Variants in EIF2D observed in about 807,000 individuals in gnomAD.
EIF2D encodes the protein hepatocellular carcinoma-associated antigen 56.
Under a neutral mutation model 77.4 loss-of-function variants are expected in EIF2D, and 56 were observed. The ratio of observed to expected loss-of-function variants is 0.72; its 90% CI spans 0.58 to 0.90. The LOEUF is 0.90. Among genes scored for constraint, EIF2D ranks in the 40% least tolerant of loss-of-function variants. The pLI, the probability that EIF2D is intolerant of heterozygous loss-of-function variation, is 0.00. For missense variants in EIF2D, 574 were observed against 706.5 expected, an observed-to-expected ratio of 0.81 and a Z score of 2.13; for synonymous variants, 230 against 271.0, an observed-to-expected ratio of 0.85 and a Z score of 1.49.
At chr1:206,589,012 T>C (rs1051515255), downstream of EIF2D, 1 of 152,520 alleles carries the variant, frequency 6.6e-6, no homozygotes, top group African/African-American at 2.4e-5. Flanking sequence ...GAGATAAGGG[T>C]GTTTATGAAA....
At chr1:206,583,099 A>G (rs1668956681) in intron 2 of EIF2D, 11 of 562,784 alleles carry the variant, frequency 2.0e-5, no homozygotes, top group Non-Finnish European at 3.2e-6. Context: ...ACACTGGCAC[A>G]GCTGCAATTT....
rs1553407013 is a variant in EIF2D, at chr1:206,584,374, C to A, written c.139-3212G>T. On this transcript the variant is annotated intron_variant and NMD_transcript_variant, in intron 2 of 5. Coordinates refer to the EIF2D transcript ENST00000472709. The surrounding 1 kb of genome is among the most constrained non-coding windows in gnomAD (Gnocchi z 4.9). ...GACGGCCCTGACCCCCTGTGACATG[C>A]CCCCGCTGGCAGAGTGAAGACGGCA... 6.3e-7 allele frequency: 1 copy of A among 1,599,892 alleles called. No homozygotes were observed. The highest frequency in any genetic ancestry group is 1.3e-5 in the African/African-American group (1 of 74,786).
intron 7 of EIF2D, 91 bp downstream of exon 7, chr1:206,602,245 G>T: frequency 1.1e-6 from 1 of 933,128 alleles, no homozygotes; most frequent in Non-Finnish European, 1.7e-6. Flanking sequence ...CCCTCAACCA[G>T]TCCCTGCATT....
intron 14 of EIF2D, 109 bp downstream of exon 14, chr1:206,593,510 T>TGC (rs1669481364): frequency 1.7e-5 from 5 of 294,836 alleles, no homozygotes; most frequent in South Asian, 1.0e-4. Context: ...AGAGAGAGAG[T>TGC]GTGTGTGTGT....
intron 5 of EIF2D, among the ~76,000 whole-genome samples, chr1:206,571,831 T>C (rs528076959): frequency 6.6e-6 from 1 of 152,194 alleles, no homozygotes; most frequent in African/African-American, 2.4e-5. Flanking sequence ...TAGCTGGAAA[T>C]CCAAGGAGGA....
rs4072498 is a variant in EIF2D, at chr1:206,585,398, C to T, written c.139-4236G>A. 1,415 of 823,856 alleles carry T rather than the reference C, an allele frequency of 1.7e-3. 17 individuals carry two copies. The Admixed American group carries it at 0.022, about 13-fold the overall frequency. The allele number at this position is 823,856 out of a possible 1,614,324, so 51.0% of individuals were successfully genotyped here. A position where few individuals can be genotyped will look rare whatever the true frequency, so the allele number is the denominator to read the frequency against. ...TCACATAGGTGGGAGCCACGCAGCA[C>T]GGGCAGGAAGGTGACTGTTGAGAGA... On this transcript the variant is annotated intron_variant and NMD_transcript_variant, in intron 2 of 5. Transcript: ENST00000472709.
chr1:206,597,128 T>C lies in EIF2D; in HGVS notation c.1360A>G (p.Lys454Glu), dbSNP rs782121005. 20 of 1,614,070 alleles carry C rather than the reference T, an allele frequency of 1.2e-5. No homozygotes were observed. In the East Asian group the frequency reaches 4.5e-4, roughly 36 times the overall value. ...GTCAGAAGACTGTCCCATGGAAGCT[T>C]CATGACTGTATGCTGTTCATTTTTC... ...LEKNEQHTVMKLPWDSLLTRC... is the reference protein window; with the variant it reads ...LEKNEQHTVMELPWDSLLTRC... Residue 454 changes from lysine (K) to glutamate (E), a missense_variant, in exon 12 of 15, where the codon AAG (lysine) becomes GAG (glutamate). Coordinates refer to ENST00000271764, the MANE Select transcript of EIF2D (RefSeq NM_006893.3).
chr1:206,608,821 G>A (rs547171402), intron 3 of EIF2D, among the ~76,000 whole-genome samples: 35 of 152,368 alleles, frequency 2.3e-4, no homozygotes, highest in African/African-American at 8.4e-4. Context: ...GGAGGCCAAG[G>A]CGGGCAGTTG....
chr1:206,583,091 A>C lies in EIF2D; in HGVS notation c.139-1929T>G, dbSNP rs1668956076. The C allele has an allele frequency of 1.6e-5, 9 of 554,790 alleles. No homozygotes were observed. In the East Asian group the frequency reaches 2.8e-4, roughly 17 times the overall value. 34.4% of individuals were successfully genotyped at this position (554,790 alleles called of 1,614,324 possible). A position where few individuals can be genotyped will look rare whatever the true frequency, so the allele number is the denominator to read the frequency against. On this transcript the variant is annotated intron_variant and NMD_transcript_variant, in intron 2 of 5. Transcript: ENST00000472709. ...ACTTCTCCAGGAGGGCTGGCTAGACACTGGCACAGCTGCAATTTGACCTCT... is the reference window on the plus strand; with the variant it reads ...ACTTCTCCAGGAGGGCTGGCTAGACCCTGGCACAGCTGCAATTTGACCTCT...
At chr1:206,609,256 A>AG (rs1553413344) in intron 3 of EIF2D, 120 bp downstream of exon 3, 1 of 923,438 alleles carries the variant, frequency 1.1e-6, no homozygotes, top group African/African-American at 1.6e-5. Context: ...TAAAACACAT[A>AG]GGGGAAAAAA....
At chr1:206,596,161 G>A (rs1403080525) in intron 12 of EIF2D, among the ~76,000 whole-genome samples, 1 of 152,232 alleles carries the variant, frequency 6.6e-6, no homozygotes, top group Non-Finnish European at 1.5e-5. Context: ...AGTCTGCCCT[G>A]TGGAGGCTAC....
At chr1:206,576,003 A>G (rs1668635154) in intron 4 of EIF2D, among the ~76,000 whole-genome samples, 2 of 152,166 alleles carry the variant, frequency 1.3e-5, no homozygotes, top group African/African-American at 2.4e-5. Flanking sequence ...CTGCCACCCA[A>G]TCAACAGGTA....
chr1:206,578,207 C>G lies in EIF2D; in HGVS notation c.*254+2485G>C, dbSNP rs1477446293. Among the ~76,000 whole-genome samples the G allele has an allele frequency of 1.8e-4, 25 of 135,670 alleles. 1 individual carries two copies. Among genetic ancestry groups the G allele is most frequent in the Admixed American group, 1.8e-3 (24 of 13,120 alleles). The allele number at this position is 135,670 out of a possible 152,430, so 89.0% of individuals were successfully genotyped here. On this transcript the variant is annotated intron_variant and NMD_transcript_variant, in intron 4 of 5. Coordinates refer to the EIF2D transcript ENST00000472709. ...CACCAGTGCACTCTCGACTGGGTGA[C>G]AGAGGGAGACATCTCAAAAAAAAAA...
chr1:206,587,483 T>A (rs142859265), downstream of EIF2D: 2 of 177,670 alleles, frequency 1.1e-5, no homozygotes, highest in Admixed American at 1.2e-4. Flanking sequence ...ATAAAAGGAC[T>A]GTTCCCGCGG....
chr1:206,594,077 CAT>C (rs1553409592), intron 13 of EIF2D: 2 of 241,440 alleles, frequency 8.3e-6, no homozygotes, highest in Non-Finnish European at 1.6e-5. Context: ...GAATTCAAAA[CAT>C]AAATGAAAGC....
intron 4 of EIF2D, among the ~76,000 whole-genome samples, 188 bp from the exon 5 acceptor site, chr1:206,605,695 C>T (rs1262636424): frequency 2.0e-5 from 3 of 152,118 alleles, no homozygotes; most frequent in Admixed American, 6.5e-5. Flanking sequence ...TTCAAAAATC[C>T]CTTGACCAAA....
intron 7 of EIF2D, chr1:206,601,972 A>T (rs1669945242): frequency 2.0e-5 from 4 of 198,256 alleles, no homozygotes; most frequent in Non-Finnish European, 3.1e-5. Context: ...TTCCAGAAGA[A>T]GATTCCTGAC....
rs1192113570 is a variant in EIF2D at position 206,592,620 on chromosome 1, A to C, written c.1685-775T>G. ...GAGCCTGGCAGGGAAGGCTGGGGTC[A>C]GGCTGGGAGGGTCTTGTTTATTGAG... On this transcript the variant is annotated intron_variant, in intron 14 of 14. Coordinates refer to ENST00000271764, the MANE Select transcript of EIF2D (RefSeq NM_006893.3). The surrounding 1 kb of genome is among the most constrained non-coding windows in gnomAD (Gnocchi z 4.7). Among the ~76,000 whole-genome samples the C allele has an allele frequency of 2.6e-5, 4 of 152,222 alleles. No homozygotes were observed. The highest frequency in any genetic ancestry group is 5.9e-5 in the Non-Finnish European group (4 of 68,016).
chr1:206,600,673 G>A (rs1187261834), intron 7 of EIF2D: 13 of 175,052 alleles, frequency 7.4e-5, no homozygotes, highest in Non-Finnish European at 1.6e-4. Context: ...CATGTGGCCA[G>A]TGGCTACCAC....
Sources: gnomAD v4.1 joint callset for allele counts (sites outside exome capture counted in the v4.1 genomes callset) on GRCh38, gnomAD v4.1.1 for gene constraint, Gnocchi (gnomAD v3.1) non-coding constraint, MANE v1.5 for transcripts, NCBI Gene and HGNC (gene_info 2026-07-23, HGNC 2026-07-21) for gene names.